Variants in DACH2 observed in about 807,000 individuals in gnomAD.
DACH2 encodes dachshund family transcription factor 2, also known as dachshund homolog 2.
Under a neutral mutation model 35.8 loss-of-function variants are expected in DACH2, and 17 were observed. The observed-to-expected ratio is 0.48, with a 90% CI of 0.33 to 0.71. The LOEUF (loss-of-function observed/expected upper bound fraction) is 0.71, where lower values mean the gene tolerates loss of function less well. Ranked by LOEUF, DACH2 falls within the 30% of genes least tolerant of loss-of-function variation. DACH2 has a pLI of 0.02. For missense variants in DACH2, 469 were observed against 472.7 expected (o/e 0.99, Z 0.07); for synonymous variants, 195 against 177.3 (o/e 1.10, Z -0.79).
intron 1 of DACH2, among the ~76,000 whole-genome samples, chrX:86,151,438 T>A (rs921331453): frequency 9.0e-6 from 1 of 111,613 alleles, no homozygotes; most frequent in Non-Finnish European, 1.9e-5. Flanking sequence ...TTACAAGTAT[T>A]GCAATTTTAT....
At chrX:86,707,930 A>AAAAAAAAAAAAAAAAAAAAAAAAAAC (rs2041237165) in intron 5 of DACH2, among the ~76,000 whole-genome samples, 1 of 102,638 alleles carries the variant, frequency 9.7e-6, no homozygotes, top group African/African-American at 3.6e-5. Flanking sequence ...AAAAAAAAAA[A>AAAAAAAAAAAAAAAAAAAAAAAAAAC]TTACACACCA....
At chrX:86,745,516 A>C (rs899951840) in intron 7 of DACH2, among the ~76,000 whole-genome samples, 2 of 111,032 alleles carry the variant, frequency 1.8e-5, no homozygotes, top group Admixed American at 9.6e-5. Context: ...AACATGCAGT[A>C]TTTGGTTTTC....
chrX:86,532,228 A>T (rs1333912955), intron 3 of DACH2, among the ~76,000 whole-genome samples: 1 of 111,972 alleles, frequency 8.9e-6, no homozygotes, highest in Non-Finnish European at 1.9e-5. Context: ...GGAATGAGTT[A>T]AGATTTTGGG....
intron 2 of DACH2, among the ~76,000 whole-genome samples, chrX:86,509,916 G>A (rs1374226693): frequency 9.0e-6 from 1 of 111,706 alleles, no homozygotes; most frequent in Non-Finnish European, 1.9e-5. Context: ...ATTGGTAATG[G>A]CTTTCACTTC....
intron 7 of DACH2, among the ~76,000 whole-genome samples, chrX:86,790,135 G>A (rs1278638798): frequency 9.0e-6 from 1 of 111,508 alleles, no homozygotes; most frequent in African/African-American, 3.3e-5. Flanking sequence ...ACAGAGATTT[G>A]TCATTAAAAT....
At chrX:86,361,363 C>A (rs2148082019) in intron 1 of DACH2, among the ~76,000 whole-genome samples, 1 of 111,118 alleles carries the variant, frequency 9.0e-6, no homozygotes, top group Non-Finnish European at 1.9e-5. Flanking sequence ...ATAAAAGATG[C>A]AGTTGAATAA....
At chrX:86,637,658 A>T (rs2040291520) in intron 3 of DACH2, among the ~76,000 whole-genome samples, 1 of 111,624 alleles carries the variant, frequency 9.0e-6, no homozygotes, top group Non-Finnish European at 1.9e-5. Context: ...CTCACTTATA[A>T]GTGGGAGCTA....
chrX:86,636,681 C>T (rs55633385), intron 3 of DACH2, among the ~76,000 whole-genome samples: 13,748 of 110,352 alleles, frequency 0.12, 749 homozygotes, highest in East Asian at 0.32. Context: ...CACTGTACCC[C>T]ATTCTTACAT....
chrX:86,471,334 A>G, intron 2 of DACH2, among the ~76,000 whole-genome samples: 1 of 111,577 alleles, frequency 9.0e-6, no homozygotes, highest in Non-Finnish European at 1.9e-5. Context: ...TTACTGAGTA[A>G]CATAGACTAT....
intron 3 of DACH2, among the ~76,000 whole-genome samples, chrX:86,514,782 T>A (rs954251542): frequency 9.0e-6 from 1 of 111,324 alleles, no homozygotes; most frequent in African/African-American, 3.3e-5. Context: ...TGGGCATTCA[T>A]GTATGTTGTC....
intron 1 of DACH2, among the ~76,000 whole-genome samples, chrX:86,248,178 T>A (rs964218458): frequency 9.0e-6 from 1 of 110,951 alleles, no homozygotes; most frequent in Non-Finnish European, 1.9e-5. Flanking sequence ...AGTACTGGAA[T>A]TCCTAGCCAG....
intron 3 of DACH2, among the ~76,000 whole-genome samples, chrX:86,542,908 T>A (rs2038905704): frequency 8.9e-6 from 1 of 111,823 alleles, no homozygotes. Flanking sequence ...ACTCCAAAGC[T>A]CAATGAAAAT....
intron 4 of DACH2, among the ~76,000 whole-genome samples, chrX:86,681,357 G>T (rs1388550477): frequency 9.0e-6 from 1 of 110,863 alleles, no homozygotes; most frequent in Non-Finnish European, 1.9e-5. Flanking sequence ...ACTTTATGAG[G>T]ATCATTTGAG....
At position 86,282,774 on chromosome X, in the gene DACH2, C is replaced by CTT. The variant is rs746321715; in HGVS notation, c.489-94030_489-94029dup. On this transcript the variant is annotated intron_variant, in intron 1 of 11. Transcript: ENST00000373125. ...GGGCAAATGCTATGAACAGACACTTCTTTTTTTTTTTTTTTTTTTTTGAGA... is the reference window on the plus strand; with the variant it reads ...GGGCAAATGCTATGAACAGACACTTCTTTTTTTTTTTTTTTTTTTTTTTGAGA... Among the ~76,000 whole-genome samples the CTT allele has an allele frequency of 8.0e-4, 30 of 37,710 alleles. 3 individuals are homozygous for CTT. The highest frequency in any genetic ancestry group is 2.4e-3 in the African/African-American group (8 of 3,279). The allele number at this position is 37,710 out of a possible 115,157, so 32.7% of individuals were successfully genotyped here. A position where few individuals can be genotyped will look rare whatever the true frequency, so the allele number is the denominator to read the frequency against.
chrX:86,220,584 G>T (rs1337260272), intron 1 of DACH2, among the ~76,000 whole-genome samples: 1 of 112,073 alleles, frequency 8.9e-6, no homozygotes, highest in Non-Finnish European at 1.9e-5. Flanking sequence ...CTCTTCTATT[G>T]TATGTGTATA....
At position 86,250,752 on chromosome X, in the gene DACH2, A is replaced by T. The variant is rs183275565; in HGVS notation, c.488+101644A>T. ...TGGTTTTTAAGTTAATGTTGCTGAT[A>T]AGACTCTGCAATATAATAATTCAAT... On this transcript the variant is annotated intron_variant, in intron 1 of 11. Transcript: ENST00000373125. Among the ~76,000 whole-genome samples the T allele has an allele frequency of 2.1e-4, 23 of 111,217 alleles. No individual in the cohort carries two copies. In the Admixed American group the frequency reaches 2.1e-3, roughly 10 times the overall value.
chrX:86,431,506 G>C (rs1314987168), intron 2 of DACH2, among the ~76,000 whole-genome samples: 1 of 111,544 alleles, frequency 9.0e-6, no homozygotes, highest in African/African-American at 3.3e-5. Flanking sequence ...GAGCATGAAA[G>C]ATCAGACATA....
intron 4 of DACH2, among the ~76,000 whole-genome samples, chrX:86,668,411 C>G (rs1344053889): frequency 8.9e-6 from 1 of 112,214 alleles, no homozygotes; most frequent in Non-Finnish European, 1.9e-5. Flanking sequence ...TGATCTTTGA[C>G]AAATTTATAG....
chrX:86,346,361 C>G (rs765452332), intron 1 of DACH2, among the ~76,000 whole-genome samples: 1 of 108,820 alleles, frequency 9.2e-6, no homozygotes, highest in East Asian at 2.9e-4. Context: ...CAGCAGGTAT[C>G]ACTTTCGCAT....
Sources: allele counts gnomAD v4.1 joint callset (sites outside exome capture counted in the v4.1 genomes callset), GRCh38; gene constraint gnomAD v4.1.1; transcripts MANE v1.5; gene names NCBI Gene and HGNC (gene_info 2026-07-23, HGNC 2026-07-21).